Variants in RGS7 observed in about 807,000 individuals in gnomAD.
The protein encoded by RGS7 is regulator of G-protein signaling 7.
Under a neutral mutation model 81.1 loss-of-function variants are expected in RGS7, and 27 were observed. That is an observed-to-expected ratio of 0.33 (90% CI 0.25 to 0.46). The LOEUF is 0.46. RGS7 is among the 20% of genes least tolerant of loss of function. RGS7 has a pLI of 1.00. For missense variants in RGS7, 396 were observed against 607.4 expected (o/e 0.65, Z 3.66); for synonymous variants, 208 against 207.7 (o/e 1.00, Z -0.01).
chr1:241,021,947 T>C (rs2059558126), intron 3 of RGS7, among the ~76,000 whole-genome samples: 1 of 152,044 alleles, frequency 6.6e-6, no homozygotes, highest in Admixed American at 6.6e-5. Flanking sequence ...AAAGTGAGGA[T>C]GGTAAGAATG....
intron 2 of RGS7, among the ~76,000 whole-genome samples, chr1:241,293,421 CA>C (rs2148461539): frequency 1.3e-5 from 2 of 152,174 alleles, no homozygotes; most frequent in South Asian, 4.2e-4. Context: ...GAAGTTCCTT[CA>C]GGAGGTATTC....
At chr1:240,841,073 A>C (rs1657878988) in intron 9 of RGS7, among the ~76,000 whole-genome samples, 1 of 152,244 alleles carries the variant, frequency 6.6e-6, no homozygotes. Context: ...CCAATTCTTC[A>C]GTTAGCCTTA....
At chr1:241,208,797 A>C (rs1289983307) in intron 2 of RGS7, among the ~76,000 whole-genome samples, 1 of 152,188 alleles carries the variant, frequency 6.6e-6, no homozygotes, top group Non-Finnish European at 1.5e-5. Flanking sequence ...TCTCTAAGAA[A>C]CAAAGGTTTC....
In RGS7 at chr1:240,802,922, A is replaced by G. The variant is rs751800035; in HGVS notation, c.1341T>C (p.Leu447=). 2 of 1,610,720 alleles carry G rather than the reference A, an allele frequency of 1.2e-6. No homozygotes were observed. The highest frequency in any genetic ancestry group is 1.1e-5 in the South Asian group (1 of 91,008). The change falls in exon 16 of 19, where the codon CTT becomes CTC. Residue 447 remains leucine, a synonymous_variant. Transcript: ENST00000440928. The part of the protein sequence containing the change: ...RFIRSSAYQE[L]LQAKKKSGNS... ...CCAGTACCTTTTTCTTTGCCTGTAG[A>G]AGCTCCTGATAGGCACTGGATCTTA...
intron 2 of RGS7, among the ~76,000 whole-genome samples, chr1:241,223,034 T>C (rs2075106450): frequency 6.6e-6 from 1 of 152,210 alleles, no homozygotes; most frequent in African/African-American, 2.4e-5. Context: ...AAGGTGTATA[T>C]GTGGCACATT....
intron 4 of RGS7, among the ~76,000 whole-genome samples, chr1:240,966,472 C>T (rs1253012907): frequency 6.6e-6 from 1 of 152,006 alleles, no homozygotes. Flanking sequence ...TGTACGAATT[C>T]TTGTTATGGC....
chr1:240,979,890 A>T (rs1412772827), intron 4 of RGS7, among the ~76,000 whole-genome samples: 1 of 152,212 alleles, frequency 6.6e-6, no homozygotes, highest in African/African-American at 2.4e-5. Context: ...CTGTATTCCC[A>T]GTGCCTGGCC....
At chr1:240,965,461 G>T (rs1682135170) in intron 4 of RGS7, among the ~76,000 whole-genome samples, 1 of 152,170 alleles carries the variant, frequency 6.6e-6, no homozygotes, top group Non-Finnish European at 1.5e-5. Flanking sequence ...AACATTATTT[G>T]ACTTTTAGTA....
rs1330807084 is a variant in RGS7 at position 241,221,072 on chromosome 1, A to AAAGGAAGG, written c.79-122318_79-122311dup. 3.6e-5 allele frequency among the ~76,000 whole-genome samples: 5 copies of AAAGGAAGG among 137,616 alleles called. 1 individual carries two copies. The highest frequency in any genetic ancestry group is 1.4e-4 in the African/African-American group (5 of 35,962). The allele number at this position is 137,616 out of a possible 152,430, so 90.3% of individuals were successfully genotyped here. A position where few individuals can be genotyped will look rare whatever the true frequency, so the allele number is the denominator to read the frequency against. On this transcript the variant is annotated intron_variant, in intron 2 of 18. Coordinates refer to ENST00000440928, the MANE Select transcript of RGS7 (RefSeq NM_001364886.1). ...GAAAGAAAGAAAGAGAGAGAGAGAG[A>AAAGGAAGG]AAGGAAGGAAGGAAGGAAGAAAGGA...
At chr1:241,284,865 T>G (rs113879848) in intron 2 of RGS7, among the ~76,000 whole-genome samples, 34,799 of 151,872 alleles carry the variant, frequency 0.23, 4,210 homozygotes, top group Admixed American at 0.33. Flanking sequence ...CTTTGTTTTT[T>G]TTTGTTTGTT....
intron 10 of RGS7, among the ~76,000 whole-genome samples, chr1:240,821,200 C>A (rs1472457672): frequency 6.6e-6 from 1 of 152,138 alleles, no homozygotes; most frequent in African/African-American, 2.4e-5. Context: ...TGTCTGTAAT[C>A]CCAGCACTTA....
At chr1:241,100,464 G>A (rs2064651145) in intron 2 of RGS7, among the ~76,000 whole-genome samples, 1 of 151,596 alleles carries the variant, frequency 6.6e-6, no homozygotes, top group Admixed American at 6.6e-5. Context: ...ATCAACGGAT[G>A]TATTACTATG....
chr1:240,866,234 G>A (rs942432668), intron 9 of RGS7, among the ~76,000 whole-genome samples: 3 of 152,140 alleles, frequency 2.0e-5, no homozygotes, highest in Non-Finnish European at 2.9e-5. Context: ...GATGATGGCC[G>A]GGCGCGGTTG....
At chr1:240,827,261 C>G in intron 9 of RGS7, 89 bp from the exon 10 acceptor site, 1 of 997,938 alleles carries the variant, frequency 1.0e-6, no homozygotes, top group Non-Finnish European at 1.6e-6. Context: ...CTCCAGAGCC[C>G]GAGCAAATGC....
rs112705107 is a variant in RGS7 at position 241,301,421 on chromosome 1, C to A, written c.78+54278G>T. 4.6e-3 allele frequency among the ~76,000 whole-genome samples: 698 copies of A among 152,282 alleles called. 7 individuals carry two copies. The highest frequency in any genetic ancestry group is 0.016 in the African/African-American group (655 of 41,552). On this transcript the variant is annotated intron_variant, in intron 2 of 18. Transcript: ENST00000440928. Reference sequence around the variant, plus strand: ...TCATCAGTGTTTGCTTGAAAGTCCACAAAGTAAGGAGATTTATTCTTGATT... The same window carrying A: ...TCATCAGTGTTTGCTTGAAAGTCCAAAAAGTAAGGAGATTTATTCTTGATT...
At chr1:240,831,626 C>T (rs1041697679) in intron 9 of RGS7, among the ~76,000 whole-genome samples, 3 of 148,302 alleles carry the variant, frequency 2.0e-5, no homozygotes, top group Non-Finnish European at 3.0e-5. Context: ...ACATTCCAGA[C>T]ATCCTTTTTT....
chr1:241,345,620 T>C (rs1462456434), intron 2 of RGS7, among the ~76,000 whole-genome samples: 2 of 152,218 alleles, frequency 1.3e-5, no homozygotes, highest in Non-Finnish European at 2.9e-5. Flanking sequence ...AAAAGATACA[T>C]TGAATTAGAG....
intron 3 of RGS7, among the ~76,000 whole-genome samples, chr1:241,076,423 AG>A (rs1475513043): frequency 6.6e-6 from 1 of 152,238 alleles, no homozygotes; most frequent in Non-Finnish European, 1.5e-5. Flanking sequence ...TTGGAATTTT[AG>A]TATGGCTATG....
chr1:240,866,238 G>C (rs758632141), intron 9 of RGS7, among the ~76,000 whole-genome samples: 1 of 152,168 alleles, frequency 6.6e-6, no homozygotes, highest in Non-Finnish European at 1.5e-5. Context: ...ATGGCCGGGC[G>C]CGGTTGCTCA....
Sources: allele counts gnomAD v4.1 joint callset (sites outside exome capture counted in the v4.1 genomes callset), GRCh38; gene constraint gnomAD v4.1.1; transcripts MANE v1.5; gene names NCBI Gene and HGNC (gene_info 2026-07-23, HGNC 2026-07-21).